Variants in CNTNAP2 observed in about 807,000 individuals in gnomAD.
The protein encoded by CNTNAP2 is contactin associated protein 2, also known as contactin-associated protein-like 2.
CNTNAP2 carries 98 observed loss-of-function variants against 155.2 expected under a neutral mutation model. The ratio of observed to expected loss-of-function variants is 0.63; its 90% CI spans 0.54 to 0.75. The LOEUF (loss-of-function observed/expected upper bound fraction) is 0.75. Ranked by LOEUF, CNTNAP2 falls within the 30% of genes least tolerant of loss-of-function variation. The pLI is 0.00. For missense variants in CNTNAP2, 1,727 were observed against 1,688.1 expected, an observed-to-expected ratio of 1.02 and a Z score of -0.40; for synonymous variants, 651 against 631.2, an observed-to-expected ratio of 1.03 and a Z score of -0.47.
chr7:147,589,097 A>C (rs190561770), intron 12 of CNTNAP2, among the ~76,000 whole-genome samples: 66 of 152,242 alleles, frequency 4.3e-4, no homozygotes, highest in South Asian at 2.9e-3. Context: ...AAAGAAAAAA[A>C]CTCTACCACT....
intron 1 of CNTNAP2, among the ~76,000 whole-genome samples, chr7:146,149,202 CA>C (rs984879096): frequency 1.6e-4 from 24 of 149,360 alleles, no homozygotes; most frequent in Middle Eastern, 3.4e-3. Context: ...ATTTGGACCA[CA>C]AAAAAAAATA....
chr7:148,343,963 G>A (rs144123070), intron 21 of CNTNAP2, among the ~76,000 whole-genome samples: 32 of 152,290 alleles, frequency 2.1e-4, no homozygotes, highest in Admixed American at 2.0e-3. Flanking sequence ...TAGTTTATAT[G>A]CCAGCAACTG....
rs557668707 is a variant in CNTNAP2 at position 147,654,112 on chromosome 7, T to C, written c.2098+14806T>C. ...TATAAGAAATCTTAATGAAATGGTA[T>C]CAACCAAAGCCGAGAAAAAGTGTGT... On this transcript the variant is annotated intron_variant, in intron 13 of 23. Coordinates refer to ENST00000361727, the MANE Select transcript of CNTNAP2 (RefSeq NM_014141.6). Among the ~76,000 whole-genome samples the C allele has an allele frequency of 2.0e-5, 3 of 152,296 alleles. No homozygotes were observed. The South Asian group carries it at 6.2e-4, about 32-fold the overall frequency.
chr7:147,423,940 T>G (rs1797337242), intron 10 of CNTNAP2, among the ~76,000 whole-genome samples: 1 of 152,162 alleles, frequency 6.6e-6, no homozygotes, highest in Admixed American at 6.5e-5. Flanking sequence ...CCTCTCTCTT[T>G]CCTAACACTT....
At chr7:147,653,302 C>CT (rs1162733767) in intron 13 of CNTNAP2, among the ~76,000 whole-genome samples, 17 of 152,090 alleles carry the variant, frequency 1.1e-4, no homozygotes, top group African/African-American at 4.1e-4. Flanking sequence ...CTAAGCCTAA[C>CT]ACAAGTGACA....
At chr7:147,906,993 C>T (rs576739086) in intron 14 of CNTNAP2, among the ~76,000 whole-genome samples, 11 of 152,202 alleles carry the variant, frequency 7.2e-5, no homozygotes, top group African/African-American at 2.2e-4. Context: ...CCTTTGCTTC[C>T]GTAAAGTTTG....
chr7:147,091,365 A>T (rs1800399333), intron 4 of CNTNAP2, among the ~76,000 whole-genome samples: 1 of 152,108 alleles, frequency 6.6e-6, no homozygotes, highest in African/African-American at 2.4e-5. Context: ...GCTCTGCCTC[A>T]GCATGCTCTT....
At chr7:146,291,778 T>C (rs1392461712) in intron 1 of CNTNAP2, among the ~76,000 whole-genome samples, 1 of 152,168 alleles carries the variant, frequency 6.6e-6, no homozygotes, top group Non-Finnish European at 1.5e-5. Context: ...GTAAAACTAC[T>C]AGAAAAAACA....
chr7:148,352,630 C>A (rs1218066241), intron 21 of CNTNAP2, among the ~76,000 whole-genome samples: 4 of 152,146 alleles, frequency 2.6e-5, no homozygotes, highest in African/African-American at 7.2e-5. Flanking sequence ...GCTCAGTCTC[C>A]CAGGAGGTTA....
At position 146,605,753 on chromosome 7, in the gene CNTNAP2, A is replaced by G. The variant is rs191345730; in HGVS notation, c.98-168518A>G. 2.6e-5 allele frequency among the ~76,000 whole-genome samples: 4 copies of G among 152,294 alleles called. No individual in the cohort carries two copies. The East Asian group carries it at 7.7e-4, about 29-fold the overall frequency. ...TTAATTCAATAGTGAGCATAGTTGA[A>G]TAACTGGCATAGTGATACGACTGAT... On this transcript the variant is annotated intron_variant, in intron 1 of 23. Coordinates refer to ENST00000361727, the MANE Select transcript of CNTNAP2 (RefSeq NM_014141.6).
At chr7:147,510,404 A>G (rs1434801999) in intron 11 of CNTNAP2, among the ~76,000 whole-genome samples, 1 of 152,150 alleles carries the variant, frequency 6.6e-6, no homozygotes, top group Non-Finnish European at 1.5e-5. Flanking sequence ...GGACATAGTC[A>G]AGGAGATCCC....
rs575206189 is a variant in CNTNAP2 at position 146,660,885 on chromosome 7, G to A, written c.98-113386G>A. ...GTCCCTCAACCTTTCCTTGTATTCC[G>A]TGGCTCTTAGCCACCTCACCATAGC... On this transcript the variant is annotated intron_variant, in intron 1 of 23. Transcript: ENST00000361727. 9.9e-5 allele frequency among the ~76,000 whole-genome samples: 15 copies of A among 152,076 alleles called. No homozygotes were observed. In the South Asian group the frequency reaches 1.7e-3, roughly 17 times the overall value.
At position 146,835,579 on chromosome 7, in the gene CNTNAP2, A is replaced by G. The variant is rs913529308; in HGVS notation, c.209-4132A>G. 2.0e-5 allele frequency among the ~76,000 whole-genome samples: 3 copies of G among 152,278 alleles called. No homozygotes were observed. The East Asian group carries it at 5.8e-4, about 29-fold the overall frequency. Reference sequence around the variant, plus strand: ...ATGATATATGACAATAAGGAATATTATATATTAACACTACAATAGGAAAAA... The same window carrying G: ...ATGATATATGACAATAAGGAATATTGTATATTAACACTACAATAGGAAAAA... On this transcript the variant is annotated intron_variant, in intron 2 of 23. Transcript: ENST00000361727.
intron 23 of CNTNAP2, chr7:148,415,013 A>C: frequency 3.1e-6 from 1 of 322,270 alleles, no homozygotes; most frequent in Non-Finnish European, 5.9e-6. Context: ...CATTCAGGGA[A>C]ACCACTGTGC....
chr7:148,153,210 C>T (rs1250208012), intron 17 of CNTNAP2, among the ~76,000 whole-genome samples: 1 of 147,314 alleles, frequency 6.8e-6, no homozygotes, highest in Non-Finnish European at 1.5e-5. Context: ...TTAGCGAGGC[C>T]AGGCTCACAT....
intron 1 of CNTNAP2, among the ~76,000 whole-genome samples, chr7:146,220,136 C>T (rs563372780): frequency 1.3e-5 from 2 of 152,086 alleles, no homozygotes; most frequent in Admixed American, 6.5e-5. Flanking sequence ...TCTTAATTAC[C>T]GTTGATATAT....
intron 1 of CNTNAP2, among the ~76,000 whole-genome samples, chr7:146,749,778 G>A (rs543286982): frequency 3.3e-5 from 5 of 152,240 alleles, no homozygotes; most frequent in Admixed American, 2.6e-4. Context: ...GGATTTCAGG[G>A]GTTGTAGTAT....
At chr7:147,671,826 T>C (rs1693951995) in intron 13 of CNTNAP2, 1 of 152,196 alleles carries the variant, frequency 6.6e-6, no homozygotes, top group East Asian at 1.9e-4. Flanking sequence ...AGGAATAGTG[T>C]GCATTTAAAC....
Position 146,860,012 on chromosome 7 carries a change from T to C in CNTNAP2, c.402+20108T>C, listed in dbSNP as rs116351226. Among the ~76,000 whole-genome samples the C allele has an allele frequency of 8.2e-3, 1,251 of 152,232 alleles. 13 individuals are homozygous for C. Among genetic ancestry groups the C allele is most frequent in the African/African-American group, 0.029 (1,189 of 41,536 alleles). On this transcript the variant is annotated intron_variant, in intron 3 of 23. Transcript: ENST00000361727. ...AGAGACTTGAGATTACCTTTAGAGG[T>C]GGGTTCAGCTCAAAATGTGAAACAA...
Sources: gnomAD v4.1 joint callset for allele counts (sites outside exome capture counted in the v4.1 genomes callset) on GRCh38, gnomAD v4.1.1 for gene constraint, MANE v1.5 for transcripts, NCBI Gene and HGNC (gene_info 2026-07-23, HGNC 2026-07-21) for gene names.